Variants in KIF21B observed in about 807,000 individuals in gnomAD.
KIF21B encodes kinesin family member 21B, also known as kinesin-like protein KIF21B.
Under a neutral mutation model 192.9 loss-of-function variants are expected in KIF21B, and 85 were observed. The observed-to-expected ratio is 0.44, with a 90% CI of 0.37 to 0.53. The LOEUF is 0.53. Ranked by LOEUF, KIF21B falls within the 20% of genes least tolerant of loss-of-function variation. The probability of loss-of-function intolerance (pLI) is 0.00; values close to 1 mark genes in which losing one functional copy is unlikely to be tolerated. For missense variants in KIF21B, 1,716 were observed against 2,194.8 expected (o/e 0.78, Z 4.36); for synonymous variants, 832 against 884.6 (o/e 0.94, Z 1.05).
chr1:200,999,350 C>T lies in KIF21B; in HGVS notation c.1884G>A (p.Lys628=), dbSNP rs185829318. 2.5e-6 allele frequency: 4 copies of T among 1,614,014 alleles called. No individual in the cohort carries two copies. In the East Asian group the frequency reaches 8.9e-5, roughly 36 times the overall value. The change falls in exon 13 of 35, where the codon AAG becomes AAA. Residue 628 remains lysine (K), a splice_region_variant and synonymous_variant. Coordinates refer to ENST00000461742, the MANE Select transcript of KIF21B (RefSeq NM_001252102.2). The surrounding 1 kb of genome is among the most constrained non-coding windows in gnomAD (Gnocchi z 4.7). ...LVDSDSDPEE[K]EVNFQADLAD... Reference sequence around the variant, plus strand: ...AGCCCACAGCTCAGGCCCACGCACCCTTCTCCTCGGGGTCTGAGTCTGAGT... The same window carrying T: ...AGCCCACAGCTCAGGCCCACGCACCTTTCTCCTCGGGGTCTGAGTCTGAGT...
At chr1:201,001,168 T>A (rs1339316165) in intron 9 of KIF21B, among the ~76,000 whole-genome samples, 2 of 151,796 alleles carry the variant, frequency 1.3e-5, no homozygotes, top group Non-Finnish European at 2.9e-5. Context: ...CTGATACTAC[T>A]GCTCTTATAT....
Position 201,004,904 on chromosome 1 carries a change from A to G in KIF21B, c.762T>C (p.Asp254=), listed in dbSNP as rs759192952. Residue 254 remains aspartate, a synonymous_variant, in exon 6 of 35, where the codon GAT becomes GAC. Transcript: ENST00000461742. ...LVNEAVTGLP[D]GTPPSSEYET... ...CATACTCACTCGAGGGAGGTGTACCATCAGGAAGCCCAGTCACCGCCTCAT... is the reference window on the plus strand; with the variant it reads ...CATACTCACTCGAGGGAGGTGTACCGTCAGGAAGCCCAGTCACCGCCTCAT... 3 of 1,610,074 alleles carry G rather than the reference A, an allele frequency of 1.9e-6. No individual in the cohort carries two copies. The highest frequency in any genetic ancestry group is 1.7e-5 in the Admixed American group (1 of 59,972).
At chr1:200,977,583 G>C (rs1362840462) in intron 30 of KIF21B, among the ~76,000 whole-genome samples, 13 of 152,144 alleles carry the variant, frequency 8.5e-5, no homozygotes, top group Admixed American at 8.5e-4. Flanking sequence ...AACTCCCCAT[G>C]TGGCCTGCCC....
chr1:201,022,493 G>A (rs550476507), intron 1 of KIF21B, among the ~76,000 whole-genome samples: 88 of 152,286 alleles, frequency 5.8e-4, no homozygotes, highest in African/African-American at 2.0e-3. Context: ...CCAGCACAAA[G>A]AACACAGATG....
chr1:201,006,110 A>C (rs554039813), intron 3 of KIF21B, among the ~76,000 whole-genome samples: 19 of 152,346 alleles, frequency 1.2e-4, no homozygotes, highest in African/African-American at 4.1e-4. Context: ...CTCAGTGGAG[A>C]CCAGGGGAGC....
intron 7 of KIF21B, among the ~76,000 whole-genome samples, chr1:201,003,989 G>A (rs1657653265): frequency 1.3e-5 from 2 of 152,150 alleles, no homozygotes; most frequent in South Asian, 4.1e-4. Context: ...CATAGTAAAG[G>A]CAGCTACCAA....
intron 14 of KIF21B, among the ~76,000 whole-genome samples, chr1:200,997,353 C>T (rs1008664077): frequency 6.6e-6 from 1 of 151,628 alleles, no homozygotes; most frequent in Admixed American, 6.6e-5. Context: ...TCTCCTGTTC[C>T]CTCTGTCTGG....
Position 201,016,102 on chromosome 1 carries a change from A to AG in KIF21B, c.42-6615dup, listed in dbSNP as rs1286525454. 2.0e-5 allele frequency among the ~76,000 whole-genome samples: 3 copies of AG among 152,238 alleles called. No individual in the cohort carries two copies. In the East Asian group the frequency reaches 5.8e-4, roughly 29 times the overall value. On this transcript the variant is annotated intron_variant, in intron 1 of 34. Coordinates refer to ENST00000461742, the MANE Select transcript of KIF21B (RefSeq NM_001252102.2). ...GTGCCCCATGTTACTAAGGCTCAGC[A>AG]GGTGAAATTTAACAAGCTCAAAGTC...
intron 3 of KIF21B, 62 bp from the exon 4 acceptor site, chr1:201,005,756 C>T: frequency 6.5e-7 from 1 of 1,535,576 alleles, no homozygotes; most frequent in Non-Finnish European, 8.9e-7. Context: ...GTGGCTGCCA[C>T]ATGCCTATAA....
intron 26 of KIF21B, among the ~76,000 whole-genome samples, chr1:200,986,609 C>T (rs370846205): frequency 6.6e-6 from 1 of 152,186 alleles, no homozygotes; most frequent in Non-Finnish European, 1.5e-5. Flanking sequence ...CTGGCCATCT[C>T]AGCCTCCCAA....
In KIF21B at chr1:200,988,946, C is replaced by T. The variant is rs1181925401; in HGVS notation, c.3133-15G>A. On this transcript the variant is annotated splice_polypyrimidine_tract_variant and intron_variant, in intron 21 of 34. Transcript: ENST00000461742. ...ACTTGCAGCCCCTGGGGGCAGGGAA[C>T]AAAGCCTGGAGTTACCCCTCCTGGG... 1 of 1,602,156 alleles carries T rather than the reference C, an allele frequency of 6.2e-7. No individual in the cohort carries two copies. The highest frequency in any genetic ancestry group is 8.5e-7 in the Non-Finnish European group (1 of 1,174,204).
rs7538954 is a variant in KIF21B, at chr1:200,998,650, G to T, written c.1886-75C>A. The T allele has an allele frequency of 0.11, 160,320 of 1,395,458 alleles. 10,666 individuals are homozygous for T. Among genetic ancestry groups the T allele is most frequent in the Middle Eastern group, 0.14 (767 of 5,558 alleles). 86.4% of individuals were successfully genotyped at this position (1,395,458 alleles called of 1,614,324 possible). ...TGGGGAGCAGATGTGCCAGTGCTGG[G>T]GAGCTGGGACCCTCCTTTGGTCAGC... On this transcript the variant is annotated intron_variant, in intron 13 of 34. Coordinates refer to ENST00000461742, the MANE Select transcript of KIF21B (RefSeq NM_001252102.2). The surrounding 1 kb of genome is among the most constrained non-coding windows in gnomAD (Gnocchi z 4.3).
chr1:200,988,225 A>G (rs1656429906), intron 24 of KIF21B, 71 bp downstream of exon 24: 1 of 1,402,510 alleles, frequency 7.1e-7, no homozygotes, highest in Non-Finnish European at 1.0e-6. Flanking sequence ...GCAGAGCCAC[A>G]GTAAGCGGTG....
At position 200,990,677 on chromosome 1, in the gene KIF21B, C is replaced by T. The variant is rs1167651753; in HGVS notation, c.2734G>A (p.Ala912Thr). ...KGASQSFSKA[A>T]RLKWQSLERR... ...TCCAGGGACTGCCACTTGAGCCTTG[C>T]CGCCTTACTGAAGCTCTGGCTGGCC... The change falls in exon 19 of 35, where the codon GCA (alanine) becomes ACA (threonine). Residue 912 changes from alanine (A) to threonine (T), a missense_variant. By Grantham distance (58) the Ala-to-Thr change is moderately conservative. Coordinates refer to ENST00000461742, the MANE Select transcript of KIF21B (RefSeq NM_001252102.2). The surrounding 1 kb of genome is among the most constrained non-coding windows in gnomAD (Gnocchi z 5.4). 1 of 1,614,152 alleles carries T rather than the reference C, an allele frequency of 6.2e-7. No homozygotes were observed. The highest frequency in any genetic ancestry group is 8.5e-7 in the Non-Finnish European group (1 of 1,180,014).
chr1:201,017,635 G>A lies in KIF21B; in HGVS notation c.41+5708C>T, dbSNP rs1235609109. On this transcript the variant is annotated intron_variant, in intron 1 of 34. Coordinates refer to ENST00000461742, the MANE Select transcript of KIF21B (RefSeq NM_001252102.2). This position sits in a 1 kb window ranked among gnomAD's most constrained non-coding sequence, Gnocchi z 4.1. ...GGATGCTCCCCTGCTGAGGAATGCA[G>A]AGCAACAGAAGGCTGGCTGTGGAGG... Among the ~76,000 whole-genome samples the A allele has an allele frequency of 1.3e-5, 2 of 152,226 alleles. No homozygotes were observed. The highest frequency in any genetic ancestry group is 2.9e-5 in the Non-Finnish European group (2 of 68,028).
intron 24 of KIF21B, among the ~76,000 whole-genome samples, chr1:200,988,030 G>A (rs1039188538): frequency 2.0e-5 from 3 of 152,206 alleles, no homozygotes; most frequent in African/African-American, 7.2e-5. Context: ...TGGTTATGGT[G>A]CTGTTGCTAG....
intron 28 of KIF21B, among the ~76,000 whole-genome samples, chr1:200,981,480 T>TG (rs147961643): frequency 0.041 from 6,298 of 152,272 alleles, 276 homozygotes; most frequent in East Asian, 0.12. Flanking sequence ...GCCCAGGGGC[T>TG]GGAACTGGGC....
chr1:201,011,138 C>T (rs1571966829), intron 1 of KIF21B, among the ~76,000 whole-genome samples: 1 of 152,254 alleles, frequency 6.6e-6, no homozygotes, highest in Non-Finnish European at 1.5e-5. Flanking sequence ...GAATTGGCTT[C>T]TGCCTGGGAA....
At chr1:201,016,785 C>A (rs1658531988) in intron 1 of KIF21B, among the ~76,000 whole-genome samples, 1 of 152,182 alleles carries the variant, frequency 6.6e-6, no homozygotes, top group South Asian at 2.1e-4. Flanking sequence ...TCAGACCCTT[C>A]CCCAGGCCAG....
Sources: gnomAD v4.1 joint callset for allele counts (sites outside exome capture counted in the v4.1 genomes callset) on GRCh38, gnomAD v4.1.1 for gene constraint, Gnocchi (gnomAD v3.1) non-coding constraint, MANE v1.5 for transcripts, NCBI Gene and HGNC (gene_info 2026-07-23, HGNC 2026-07-21) for gene names.